The following SOX5 variants were observed in gnomAD, a reference collection of about 807,000 sequenced individuals.
SOX5 encodes transcription factor SOX-5.
Under a neutral mutation model 92.0 loss-of-function variants are expected in SOX5, and 9 were observed. The observed-to-expected ratio is 0.10, with a 90% CI of 0.06 to 0.17. The LOEUF (loss-of-function observed/expected upper bound fraction) is 0.17. Ranked by LOEUF, SOX5 falls within the 10% of genes least tolerant of loss-of-function variation. SOX5 has a pLI of 1.00. For missense variants in SOX5, 642 were observed against 944.5 expected (o/e 0.68, Z 4.20); for synonymous variants, 344 against 336.3 (o/e 1.02, Z -0.25).
intron 1 of SOX5, among the ~76,000 whole-genome samples, chr12:24,451,385 T>G (rs1048370060): frequency 6.6e-6 from 1 of 152,200 alleles, no homozygotes; most frequent in Non-Finnish European, 1.5e-5. Flanking sequence ...CAGTTCTCCA[T>G]AGTGGTTGCT....
At chr12:23,576,177 T>C (rs1282401180) in intron 9 of SOX5, among the ~76,000 whole-genome samples, 1 of 148,056 alleles carries the variant, frequency 6.8e-6, no homozygotes, top group Non-Finnish European at 1.5e-5. Flanking sequence ...ATCTGAAATA[T>C]GATGTAGGTA....
intron 4 of SOX5, among the ~76,000 whole-genome samples, chr12:24,111,618 T>A (rs1038650751): frequency 1.3e-5 from 2 of 152,240 alleles, no homozygotes; most frequent in African/African-American, 4.8e-5. Context: ...CTGACTTCAA[T>A]CTCTACTGAT....
At chr12:24,296,563 T>G (rs116168366) in intron 2 of SOX5, among the ~76,000 whole-genome samples, 2,128 of 152,314 alleles carry the variant, frequency 0.014, 61 homozygotes, top group African/African-American at 0.048. Context: ...ATATTTATAC[T>G]GTAAAACTCA....
chr12:23,805,845 TA>T (rs2142279010), intron 3 of SOX5, among the ~76,000 whole-genome samples: 1 of 152,336 alleles, frequency 6.6e-6, no homozygotes. Flanking sequence ...TCAGCTTTAA[TA>T]TTTGACTGAA....
chr12:24,562,548 C>G (rs892770377), upstream of SOX5: 3 of 153,708 alleles, frequency 2.0e-5, no homozygotes, highest in African/African-American at 7.2e-5. Context: ...CCCGCTCGCT[C>G]GCGCTCCCCG....
chr12:23,969,058 T>C (rs1947924887), intron 4 of SOX5, among the ~76,000 whole-genome samples: 1 of 152,202 alleles, frequency 6.6e-6, no homozygotes, highest in African/African-American at 2.4e-5. Flanking sequence ...CCAAATATTC[T>C]ATCATGATAA....
chr12:24,052,971 C>T (rs1393327862), intron 4 of SOX5, among the ~76,000 whole-genome samples: 2 of 152,210 alleles, frequency 1.3e-5, no homozygotes, highest in Non-Finnish European at 2.9e-5. Context: ...CATCTTTCCC[C>T]ATTGTCCCAT....
chr12:24,385,548 G>T (rs1156943002), intron 1 of SOX5, among the ~76,000 whole-genome samples: 1 of 152,050 alleles, frequency 6.6e-6, no homozygotes, highest in South Asian at 2.1e-4. Context: ...CAACATCCCT[G>T]CACATGTGTG....
chr12:24,003,088 T>A (rs1317470597), intron 4 of SOX5, among the ~76,000 whole-genome samples: 1 of 151,840 alleles, frequency 6.6e-6, no homozygotes, highest in South Asian at 2.1e-4. Context: ...GGCAGAAAAA[T>A]TTTTGACTAA....
intron 7 of SOX5, among the ~76,000 whole-genome samples, chr12:23,659,081 A>G (rs982723015): frequency 6.6e-6 from 1 of 152,182 alleles, no homozygotes. Flanking sequence ...TGATTGTTTT[A>G]GCACTCATCA....
intron 4 of SOX5, among the ~76,000 whole-genome samples, chr12:23,986,311 G>T (rs1426387196): frequency 6.6e-6 from 1 of 151,774 alleles, no homozygotes; most frequent in South Asian, 2.1e-4. Context: ...GAAGACATAC[G>T]ACAAAATCCC....
At chr12:24,504,534 C>A (rs1469766778) in intron 1 of SOX5, among the ~76,000 whole-genome samples, 1 of 152,086 alleles carries the variant, frequency 6.6e-6, no homozygotes, top group Admixed American at 6.5e-5. Context: ...AGCATGCCAC[C>A]ATTTCTTTCA....
At chr12:24,248,952 T>C (rs1210743646) in intron 3 of SOX5, among the ~76,000 whole-genome samples, 1 of 152,190 alleles carries the variant, frequency 6.6e-6, no homozygotes, top group East Asian at 1.9e-4. Flanking sequence ...TAAATAATCA[T>C]ACGATGGTAA....
intron 8 of SOX5, among the ~76,000 whole-genome samples, chr12:23,610,045 G>T (rs528974932): frequency 2.0e-5 from 3 of 151,940 alleles, no homozygotes; most frequent in Non-Finnish European, 2.9e-5. Context: ...CTAATTAATT[G>T]TTGCTATTTT....
chr12:23,711,744 A>G (rs1467447342), intron 6 of SOX5, among the ~76,000 whole-genome samples: 28 of 152,236 alleles, frequency 1.8e-4, no homozygotes, highest in Admixed American at 1.8e-3. Flanking sequence ...AAAATATTAT[A>G]TTGATAAAGT....
At chr12:23,828,879 A>G (rs1056082046) in intron 3 of SOX5, among the ~76,000 whole-genome samples, 1 of 152,178 alleles carries the variant, frequency 6.6e-6, no homozygotes, top group African/African-American at 2.4e-5. Flanking sequence ...AACATGTAAG[A>G]TGGGCTATCT....
chr12:23,850,834 T>C (rs938319676), intron 2 of SOX5, among the ~76,000 whole-genome samples: 4 of 152,164 alleles, frequency 2.6e-5, no homozygotes, highest in African/African-American at 9.7e-5. Context: ...CATATGCACA[T>C]GCATAAACAC....
At chr12:24,120,191 G>A (rs1411683045) in intron 4 of SOX5, among the ~76,000 whole-genome samples, 2 of 152,150 alleles carry the variant, frequency 1.3e-5, no homozygotes, top group Non-Finnish European at 2.9e-5. Context: ...CTCAGAAGTG[G>A]AATTGGAGTC....
chr12:23,968,663 T>C (rs1305626801), intron 4 of SOX5, among the ~76,000 whole-genome samples: 1 of 152,212 alleles, frequency 6.6e-6, no homozygotes, highest in African/African-American at 2.4e-5. Context: ...TTTCTTTTCA[T>C]TATACATTAT....
Sources: allele counts gnomAD v4.1 joint callset (sites outside exome capture counted in the v4.1 genomes callset), GRCh38; gene constraint gnomAD v4.1.1; transcripts MANE v1.5; gene names NCBI Gene and HGNC (gene_info 2026-07-23, HGNC 2026-07-21).